MTG2: variants seen among roughly 807,000 people sequenced by gnomAD.
MTG2 encodes the protein mitochondrial ribosome associated GTPase 2.
In MTG2, 23 loss-of-function variants were observed where a neutral mutation model predicts 28.6. That is an observed-to-expected ratio of 0.80 (90% CI 0.58 to 1.14). MTG2 has a LOEUF of 1.14. MTG2 is among the 50% of genes most tolerant of loss of function. The probability of loss-of-function intolerance (pLI) is 0.00; values close to 1 mark genes in which losing one functional copy is unlikely to be tolerated. For synonymous variants in MTG2, 260 were observed against 251.8 expected (o/e 1.03, Z -0.31); for missense variants, 539 against 552.0 (o/e 0.98, Z 0.24).
rs1424596517 is a variant in MTG2, at chr20:62,202,357, G to A, written c.*1280G>A. The A allele has an allele frequency of 6.5e-6, 1 of 154,092 alleles. No homozygotes were observed. The highest frequency in any genetic ancestry group is 2.0e-4 in the South Asian group (1 of 4,974). The allele number at this position is 154,092 out of a possible 1,614,324, so 9.5% of individuals were successfully genotyped here. On this transcript the variant is annotated 3_prime_UTR_variant, in exon 7 of 7. Coordinates refer to ENST00000370823, the MANE Select transcript of MTG2 (RefSeq NM_015666.4). ...AGGCTGTCGTGGGAGGATCATGTGA[G>A]CCTGGGAGGTCAAGGCTGCAGTGAG...
chr20:62,193,118 C>T (rs1321777463), intron 1 of MTG2, among the ~76,000 whole-genome samples: 3 of 152,100 alleles, frequency 2.0e-5, no homozygotes, highest in South Asian at 2.1e-4. Context: ...TTAATATTTT[C>T]GTTGAGCGGA....
intron 6 of MTG2, chr20:62,200,046 C>G (rs1006367833): frequency 6.6e-6 from 1 of 152,140 alleles, no homozygotes; most frequent in African/African-American, 2.4e-5. Flanking sequence ...CTATGAAAAT[C>G]AGGTTCCCAC....
intron 1 of MTG2, among the ~76,000 whole-genome samples, chr20:62,188,553 A>G (rs1466265196): frequency 3.1e-5 from 3 of 96,454 alleles, no homozygotes; most frequent in African/African-American, 4.2e-5. Context: ...AGGTCTCGCT[A>G]TTTTGCCCAG....
At chr20:62,196,057 G>A in intron 3 of MTG2, 108 bp downstream of exon 3, 1 of 1,373,522 alleles carries the variant, frequency 7.3e-7, no homozygotes. Flanking sequence ...TTATGCCTGT[G>A]ATCCCAGCAC....
chr20:62,198,333 T>G, intron 4 of MTG2: 1 of 535,332 alleles, frequency 1.9e-6, no homozygotes, highest in Non-Finnish European at 3.4e-6. Flanking sequence ...GCGAGCTGAA[T>G]TCACTCGTCT....
intron 1 of MTG2, among the ~76,000 whole-genome samples, chr20:62,189,516 G>A (rs577268997): frequency 3.3e-5 from 5 of 151,864 alleles, no homozygotes; most frequent in African/African-American, 1.2e-4. Flanking sequence ...TTTTGCCGAG[G>A]CTGGTCTCGA....
Position 62,195,916 on chromosome 20 carries a change from G to A in MTG2, c.319G>A (p.Asp107Asn), listed in dbSNP as rs776421393. 2.7e-5 allele frequency: 43 copies of A among 1,614,092 alleles called. No homozygotes were observed. The Admixed American group carries it at 7.0e-4, about 26-fold the overall frequency. ...RKEFGGPDGGDGGNGGHVILR... is the reference protein window; with the variant it reads ...RKEFGGPDGGNGGNGGHVILR... Reference sequence around the variant, plus strand: ...GGAGTTTGGAGGCCCTGATGGAGGGGACGGAGGCAACGGTGGACACGTCAT... The same window carrying A: ...GGAGTTTGGAGGCCCTGATGGAGGGAACGGAGGCAACGGTGGACACGTCAT... Residue 107 changes from aspartate (D) to asparagine (N), a missense_variant, in exon 3 of 7, where the codon GAC becomes AAC. By Grantham distance (23) the Asp-to-Asn change is conservative. Coordinates refer to ENST00000370823, the MANE Select transcript of MTG2 (RefSeq NM_015666.4).
chr20:62,193,825 T>A, intron 2 of MTG2: 1 of 591,830 alleles, frequency 1.7e-6, no homozygotes, highest in Non-Finnish European at 3.0e-6. Flanking sequence ...CCCAGCAGGC[T>A]GGGAGAGGCG....
At chr20:62,186,517 CTTTTTTTTTTGTTTTTTTT>C (rs978382059) in intron 1 of MTG2, among the ~76,000 whole-genome samples, 1 of 127,496 alleles carries the variant, frequency 7.8e-6, no homozygotes, top group African/African-American at 2.8e-5. Flanking sequence ...TTCCCTGGGA[CTTTTTTTTTTGTTTTTTTT>C]TTTTTTTTTT....
intron 3 of MTG2, 32 bp from the exon 4 acceptor site, chr20:62,197,820 C>G: frequency 6.3e-7 from 1 of 1,598,172 alleles, no homozygotes; most frequent in Non-Finnish European, 8.6e-7. Context: ...TGTCGTAACA[C>G]AAAGGGACTG....
intron 4 of MTG2, among the ~76,000 whole-genome samples, chr20:62,198,423 AGG>A (rs1444325973): frequency 6.6e-6 from 1 of 152,226 alleles, no homozygotes. Context: ...TGCAGTCAGA[AGG>A]GTGTGTACGC....
intron 3 of MTG2, among the ~76,000 whole-genome samples, chr20:62,196,508 T>TA (rs2058061415): frequency 7.8e-6 from 1 of 127,594 alleles, no homozygotes; most frequent in African/African-American, 2.9e-5. Context: ...TCCTGTCTCT[T>TA]AAAAAATAAT....
chr20:62,188,145 A>T (rs796663159), intron 1 of MTG2, among the ~76,000 whole-genome samples: 29 of 151,912 alleles, frequency 1.9e-4, no homozygotes, highest in African/African-American at 6.8e-4. Flanking sequence ...AAAAAAAAAA[A>T]ATTCTGGTAT....
intron 1 of MTG2, among the ~76,000 whole-genome samples, chr20:62,184,120 A>C (rs1159254013): frequency 1.3e-5 from 2 of 152,196 alleles, no homozygotes; most frequent in Non-Finnish European, 2.9e-5. Context: ...GAACTTTGGG[A>C]GGCCAAGGCG....
rs201555286 is a variant in MTG2 at position 62,199,645 on chromosome 20, C to CA, written c.826+406dup. On this transcript the variant is annotated intron_variant, in intron 6 of 6. Transcript: ENST00000370823. ...TGGGCGACAGAGCGAAACTCCATCT[C>CA]AAAAAAAAAAAAAAAAAAGTAGCAT... 8.3e-3 allele frequency among the ~76,000 whole-genome samples: 585 copies of CA among 70,686 alleles called. 3 individuals are homozygous for CA. Among genetic ancestry groups the CA allele is most frequent in the East Asian group, 0.033 (63 of 1,888 alleles). 46.4% of individuals were successfully genotyped at this position (70,686 alleles called of 152,430 possible). A position where few individuals can be genotyped will look rare whatever the true frequency, so the allele number is the denominator to read the frequency against.
chr20:62,198,797 C>G lies in MTG2; in HGVS notation c.632C>G (p.Pro211Arg), dbSNP rs754742488. Reference sequence around the variant, plus strand: ...CCTGTGACCTGTACCCCTGGACAGCCAGGACAGCAGCGAGTTCTCCACCTG... The same window carrying G: ...CCTGTGACCTGTACCCCTGGACAGCGAGGACAGCAGCGAGTTCTCCACCTG... ...RAPVTCTPGQ[P>R]GQQRVLHLEL... The change falls in exon 5 of 7, where the codon CCA (proline) becomes CGA (arginine). Residue 211 changes from proline (P) to arginine (R), a missense_variant. By Grantham distance (103) the Pro-to-Arg change is moderately radical. Coordinates refer to ENST00000370823, the MANE Select transcript of MTG2 (RefSeq NM_015666.4). 2 of 1,614,134 alleles carry G rather than the reference C, an allele frequency of 1.2e-6. No individual in the cohort carries two copies. The highest frequency in any genetic ancestry group is 2.2e-5 in the South Asian group (2 of 91,084).
At chr20:62,195,309 T>A (rs1568787561) in intron 2 of MTG2, among the ~76,000 whole-genome samples, 1 of 152,252 alleles carries the variant, frequency 6.6e-6, no homozygotes, top group Non-Finnish European at 1.5e-5. Context: ...TACTCTTTCT[T>A]CAGAGTCGAA....
In MTG2 at chr20:62,184,155, A is replaced by G. The variant is rs559731757; in HGVS notation, c.-6+1098A>G. ...GGGCAGATCACGAGGTCAGGAGTTA[A>G]AGACCAGCCTGGCCAACATGGTGAA... On this transcript the variant is annotated intron_variant, in intron 1 of 6. Coordinates refer to ENST00000370823, the MANE Select transcript of MTG2 (RefSeq NM_015666.4). Among the ~76,000 whole-genome samples the G allele has an allele frequency of 2.1e-3, 326 of 152,316 alleles. 1 individual carries two copies. The highest frequency in any genetic ancestry group is 3.5e-3 in the Non-Finnish European group (239 of 68,032).
At position 62,196,398 on chromosome 20, in the gene MTG2, C is replaced by T. The variant is rs185662039; in HGVS notation, c.352+449C>T. Among the ~76,000 whole-genome samples, 368 of 151,730 alleles carry T rather than the reference C, an allele frequency of 2.4e-3. 2 individuals are homozygous for T. The highest frequency in any genetic ancestry group is 0.017 in the Middle Eastern group (5 of 292). On this transcript the variant is annotated intron_variant, in intron 3 of 6. Coordinates refer to ENST00000370823, the MANE Select transcript of MTG2 (RefSeq NM_015666.4). ...GTAAAATTTTTAAAACCCAGCTAGG[C>T]GCAGTGGCTCATGCCTGTAATCCCA...
Sources: gnomAD v4.1 joint callset for allele counts (sites outside exome capture counted in the v4.1 genomes callset) on GRCh38, gnomAD v4.1.1 for gene constraint, MANE v1.5 for transcripts, NCBI Gene and HGNC (gene_info 2026-07-23, HGNC 2026-07-21) for gene names.